NTNG1: variants seen among roughly 807,000 people sequenced by gnomAD.
NTNG1 encodes the protein netrin G1.
NTNG1 carries 16 observed loss-of-function variants against 54.0 expected under a neutral mutation model. That is an observed-to-expected ratio of 0.30 (90% CI 0.20 to 0.45). The LOEUF is 0.45. Ranked by LOEUF, NTNG1 falls within the 20% of genes least tolerant of loss-of-function variation. The probability of loss-of-function intolerance (pLI) is 1.00; values close to 1 mark genes in which losing one functional copy is unlikely to be tolerated. For synonymous variants in NTNG1, 255 were observed against 263.1 expected (o/e 0.97, Z 0.30); for missense variants, 530 against 678.7 (o/e 0.78, Z 2.43).
At chr1:107,380,642 T>C (rs923556122) in intron 3 of NTNG1, among the ~76,000 whole-genome samples, 2 of 152,202 alleles carry the variant, frequency 1.3e-5, no homozygotes, top group Non-Finnish European at 2.9e-5. Context: ...GATCCTGGTT[T>C]TCATATTTCC....
At chr1:107,216,223 C>G (rs112087413) in intron 2 of NTNG1, among the ~76,000 whole-genome samples, 5,017 of 152,200 alleles carry the variant, frequency 0.033, 108 homozygotes, top group Non-Finnish European at 0.052. Flanking sequence ...TTGTCTTATT[C>G]CAGTTCTCAG....
intron 2 of NTNG1, among the ~76,000 whole-genome samples, chr1:107,257,718 C>A (rs888855884): frequency 3.9e-5 from 6 of 152,142 alleles, no homozygotes; most frequent in Admixed American, 2.0e-4. Context: ...CTGAGAGAAC[C>A]CTTCCACATG....
At chr1:107,463,369 T>G (rs1677399150) in intron 7 of NTNG1, among the ~76,000 whole-genome samples, 1 of 152,092 alleles carries the variant, frequency 6.6e-6, no homozygotes, top group Non-Finnish European at 1.5e-5. Flanking sequence ...GACGTTAACA[T>G]TGTAAACTCA....
At chr1:107,271,775 A>G (rs189584090) in intron 2 of NTNG1, among the ~76,000 whole-genome samples, 33 of 152,298 alleles carry the variant, frequency 2.2e-4, no homozygotes, top group Non-Finnish European at 4.4e-4. Context: ...AGACAAGAAT[A>G]TAAGATATAG....
chr1:107,196,624 G>C lies in NTNG1; in HGVS notation c.246+47785G>C, dbSNP rs1658351892. 3.3e-5 allele frequency among the ~76,000 whole-genome samples: 5 copies of C among 151,854 alleles called. No homozygotes were observed. In the South Asian group the frequency reaches 1.0e-3, roughly 32 times the overall value. ...TCTCTGCTTCAACTTCCTGTGAGGAGTACAGTAAATGATGACAACATAACA... is the reference window on the plus strand; with the variant it reads ...TCTCTGCTTCAACTTCCTGTGAGGACTACAGTAAATGATGACAACATAACA... On this transcript the variant is annotated intron_variant, in intron 2 of 7. Coordinates refer to ENST00000370068, the MANE Select transcript of NTNG1 (RefSeq NM_001113226.3).
At chr1:107,465,210 GA>G (rs1677527305) in intron 7 of NTNG1, among the ~76,000 whole-genome samples, 1 of 152,224 alleles carries the variant, frequency 6.6e-6, no homozygotes, top group South Asian at 2.1e-4. Context: ...CATTGGAAAA[GA>G]AATCATTGAG....
At chr1:107,467,960 C>T (rs1288729383) in intron 7 of NTNG1, among the ~76,000 whole-genome samples, 3 of 152,154 alleles carry the variant, frequency 2.0e-5, no homozygotes, top group Admixed American at 1.3e-4. Flanking sequence ...GACACCAATT[C>T]ATTTTGCCTT....
chr1:107,474,019 C>G (rs762890983), intron 7 of NTNG1, among the ~76,000 whole-genome samples: 11 of 152,272 alleles, frequency 7.2e-5, no homozygotes, highest in Non-Finnish European at 1.2e-4. Context: ...TTATATTTAT[C>G]AATACGAAAA....
At chr1:107,463,199 G>T (rs1329521384) in intron 7 of NTNG1, among the ~76,000 whole-genome samples, 1 of 152,190 alleles carries the variant, frequency 6.6e-6, no homozygotes, top group Non-Finnish European at 1.5e-5. Flanking sequence ...ATGTCATTAG[G>T]CAAGTACTCA....
At chr1:107,297,480 C>T (rs1666054583) in intron 2 of NTNG1, among the ~76,000 whole-genome samples, 2 of 151,760 alleles carry the variant, frequency 1.3e-5, no homozygotes, top group Non-Finnish European at 1.5e-5. Context: ...TTCTATTAGA[C>T]ATCTAACAAA....
intron 3 of NTNG1, among the ~76,000 whole-genome samples, chr1:107,332,336 G>T (rs766041710): frequency 6.6e-6 from 1 of 151,938 alleles, no homozygotes; most frequent in African/African-American, 2.4e-5. Flanking sequence ...GTCGTTAAAG[G>T]GAAGATGTCT....
chr1:107,163,401 T>C (rs1557772397), intron 2 of NTNG1, among the ~76,000 whole-genome samples: 1 of 152,114 alleles, frequency 6.6e-6, no homozygotes, highest in East Asian at 1.9e-4. Context: ...TAAATATTAA[T>C]TATCTTTATC....
chr1:107,416,067 G>A (rs970828510), intron 5 of NTNG1, among the ~76,000 whole-genome samples: 14 of 152,070 alleles, frequency 9.2e-5, no homozygotes, highest in Admixed American at 6.6e-4. Flanking sequence ...AAAAAGTCTC[G>A]TGATGGCCAA....
chr1:107,308,242 A>G (rs1341692092), intron 2 of NTNG1, among the ~76,000 whole-genome samples: 1 of 152,062 alleles, frequency 6.6e-6, no homozygotes, highest in Non-Finnish European at 1.5e-5. Flanking sequence ...CTATGTCCAG[A>G]ATGTTATTGC....
intron 2 of NTNG1, among the ~76,000 whole-genome samples, chr1:107,198,374 A>T (rs1334250386): frequency 6.6e-6 from 1 of 151,966 alleles, no homozygotes; most frequent in Non-Finnish European, 1.5e-5. Flanking sequence ...TGACAGTTTC[A>T]TTATACTATG....
At chr1:107,335,750 A>G (rs530127905) in intron 3 of NTNG1, among the ~76,000 whole-genome samples, 1 of 152,100 alleles carries the variant, frequency 6.6e-6, no homozygotes, top group Non-Finnish European at 1.5e-5. Flanking sequence ...TGCAGGATAC[A>G]AAAGCAACAC....
At chr1:107,377,393 T>G (rs1257825986) in intron 3 of NTNG1, among the ~76,000 whole-genome samples, 3 of 152,164 alleles carry the variant, frequency 2.0e-5, no homozygotes, top group African/African-American at 7.2e-5. Flanking sequence ...ATTTCCTGCC[T>G]GAGGATAATT....
chr1:107,432,033 GT>G (rs1675299893), intron 6 of NTNG1, among the ~76,000 whole-genome samples: 1 of 152,170 alleles, frequency 6.6e-6, no homozygotes, highest in East Asian at 1.9e-4. Flanking sequence ...ATATAATACT[GT>G]TGGTGTCTAC....
intron 5 of NTNG1, among the ~76,000 whole-genome samples, chr1:107,412,822 A>G (rs1391624357): frequency 2.0e-5 from 3 of 152,224 alleles, no homozygotes. Flanking sequence ...GGTATTTTAT[A>G]GAACATGGAA....
Sources: gnomAD v4.1 joint callset for allele counts (sites outside exome capture counted in the v4.1 genomes callset) on GRCh38, gnomAD v4.1.1 for gene constraint, MANE v1.5 for transcripts, NCBI Gene and HGNC (gene_info 2026-07-23, HGNC 2026-07-21) for gene names.